GRID2: variants seen among roughly 807,000 people sequenced by gnomAD.
GRID2 encodes glutamate ionotropic receptor delta type subunit 2.
A neutral mutation model predicts 114.8 loss-of-function variants in GRID2; 33 were observed. The observed-to-expected ratio is 0.29, with a 90% CI of 0.22 to 0.38. GRID2 has a LOEUF of 0.38. Ranked by LOEUF, GRID2 falls within the 10% of genes least tolerant of loss-of-function variation. GRID2 has a pLI of 1.00. For missense variants in GRID2, 1,184 were observed against 1,257.7 expected, an observed-to-expected ratio of 0.94 and a Z score of 0.89; for synonymous variants, 505 against 449.9, an observed-to-expected ratio of 1.12 and a Z score of -1.55.
At chr4:92,565,184 T>A (rs1727279230) in intron 1 of GRID2, among the ~76,000 whole-genome samples, 6 of 152,048 alleles carry the variant, frequency 3.9e-5, no homozygotes. Context: ...CATATGAGAA[T>A]TTTGATAATA....
intron 14 of GRID2, among the ~76,000 whole-genome samples, chr4:93,708,464 TG>T: frequency 6.6e-6 from 1 of 152,056 alleles, no homozygotes; most frequent in Non-Finnish European, 1.5e-5. Context: ...AAATTTATTT[TG>T]TCTGATAAAA....
At chr4:93,416,118 C>G (rs1208271813) in intron 9 of GRID2, among the ~76,000 whole-genome samples, 4 of 152,006 alleles carry the variant, frequency 2.6e-5, no homozygotes, top group Non-Finnish European at 5.9e-5. Flanking sequence ...GTTTTCTTTA[C>G]AACACCTGGA....
intron 13 of GRID2, among the ~76,000 whole-genome samples, chr4:93,557,713 G>C (rs772420258): frequency 2.6e-5 from 4 of 152,200 alleles, no homozygotes; most frequent in African/African-American, 4.8e-5. Context: ...TTTAGGACTT[G>C]AAGTCAGTTC....
chr4:93,092,840 A>G lies in GRID2; in HGVS notation c.529+7561A>G, dbSNP rs143324395. On this transcript the variant is annotated intron_variant, in intron 3 of 15. Coordinates refer to ENST00000282020, the MANE Select transcript of GRID2 (RefSeq NM_001510.4). Reference sequence around the variant, plus strand: ...TCATAATGTGTATATATACATATATACATACACACACAAACACACACACAC... The same window carrying G: ...TCATAATGTGTATATATACATATATGCATACACACACAAACACACACACAC... 4.0e-3 allele frequency among the ~76,000 whole-genome samples: 604 copies of G among 152,140 alleles called. 20 individuals are homozygous for G. The East Asian group carries it at 0.062, about 16-fold the overall frequency.
rs534467163 is a variant in GRID2 at position 93,319,252 on chromosome 4, A to G, written c.1246-76355A>G. Among the ~76,000 whole-genome samples the G allele has an allele frequency of 3.9e-5, 6 of 152,244 alleles. No homozygotes were observed. In the South Asian group the frequency reaches 1.2e-3, roughly 32 times the overall value. On this transcript the variant is annotated intron_variant, in intron 8 of 15. Transcript: ENST00000282020. The stretch of plus-strand genomic sequence containing the variant: ...ATTGACCTTAAACACAGAGCCATTC[A>G]ATATGTTGTTTTTCATAAATTAGTG...
intron 4 of GRID2, among the ~76,000 whole-genome samples, chr4:93,111,199 T>G (rs527610105): frequency 6.6e-6 from 1 of 152,154 alleles, no homozygotes; most frequent in African/African-American, 2.4e-5. Flanking sequence ...TTTTAAGAAG[T>G]CTTATAGAAG....
chr4:93,117,655 A>AT (rs1263584079), intron 4 of GRID2, among the ~76,000 whole-genome samples: 3 of 151,976 alleles, frequency 2.0e-5, no homozygotes, highest in Non-Finnish European at 2.9e-5. Context: ...GCCTTTTTCA[A>AT]TTTTTTGTGC....
chr4:92,420,996 GT>G, intron 1 of GRID2, among the ~76,000 whole-genome samples: 1 of 151,938 alleles, frequency 6.6e-6, no homozygotes, highest in African/African-American at 2.4e-5. Context: ...TCACACTGAA[GT>G]TTTTTTTAAT....
At chr4:93,200,565 C>CAA (rs1193157530) in intron 4 of GRID2, among the ~76,000 whole-genome samples, 2 of 102,312 alleles carry the variant, frequency 2.0e-5, no homozygotes, top group African/African-American at 9.6e-5. Flanking sequence ...GACTCCGTCT[C>CAA]AAAACAAACA....
chr4:93,741,159 C>CTATATATATATACATATATATATA (rs1560963214), intron 14 of GRID2, among the ~76,000 whole-genome samples: 2 of 47,186 alleles, frequency 4.2e-5, no homozygotes, highest in Non-Finnish European at 6.9e-5. Context: ...ACCTGAGAAA[C>CTATATATATATACATATATATATA]TATATATATA....
chr4:92,342,312 T>A (rs1397457276), intron 1 of GRID2, among the ~76,000 whole-genome samples: 1 of 152,122 alleles, frequency 6.6e-6, no homozygotes, highest in Non-Finnish European at 1.5e-5. Context: ...TGCATAGAAA[T>A]ATAAAATAAT....
At chr4:92,536,832 G>C (rs1251762087) in intron 1 of GRID2, among the ~76,000 whole-genome samples, 2 of 151,938 alleles carry the variant, frequency 1.3e-5, no homozygotes, top group African/African-American at 4.8e-5. Context: ...GTTAAGATGC[G>C]GTTTTCAAAA....
intron 8 of GRID2, among the ~76,000 whole-genome samples, chr4:93,270,433 C>G (rs1429719714): frequency 6.6e-6 from 1 of 152,042 alleles, no homozygotes; most frequent in African/African-American, 2.4e-5. Flanking sequence ...GTCCTTACAT[C>G]AAGAACATAA....
intron 2 of GRID2, among the ~76,000 whole-genome samples, chr4:92,671,937 T>G (rs62310177): frequency 1.3e-5 from 2 of 152,096 alleles, no homozygotes; most frequent in Non-Finnish European, 2.9e-5. Flanking sequence ...TTCAGGATAC[T>G]CTTACATACT....
At chr4:92,641,618 G>A (rs552949480) in intron 2 of GRID2, among the ~76,000 whole-genome samples, 8 of 151,826 alleles carry the variant, frequency 5.3e-5, no homozygotes, top group Admixed American at 1.3e-4. Context: ...ACATGATGAC[G>A]TAACATAGTT....
At position 93,336,762 on chromosome 4, in the gene GRID2, C is replaced by T. The variant is rs145394860; in HGVS notation, c.1246-58845C>T. On this transcript the variant is annotated intron_variant, in intron 8 of 15. Coordinates refer to ENST00000282020, the MANE Select transcript of GRID2 (RefSeq NM_001510.4). ...GACATCATATTTGTTTTACTTTCCC[C>T]CTGAAATATCAGTGAAGGTTTTGTG... 5.5e-3 allele frequency among the ~76,000 whole-genome samples: 833 copies of T among 152,192 alleles called. 8 individuals carry two copies. The highest frequency in any genetic ancestry group is 0.019 in the African/African-American group (794 of 41,528).
intron 1 of GRID2, among the ~76,000 whole-genome samples, chr4:92,477,282 A>G (rs1318390721): frequency 3.3e-5 from 5 of 152,064 alleles, no homozygotes; most frequent in African/African-American, 9.7e-5. Context: ...TAAGGTCTCA[A>G]TGGTTAACCT....
intron 14 of GRID2, among the ~76,000 whole-genome samples, chr4:93,698,065 T>C (rs2110132041): frequency 6.6e-6 from 1 of 152,000 alleles, no homozygotes; most frequent in Non-Finnish European, 1.5e-5. Flanking sequence ...TAATTATAAC[T>C]CTTGTACATA....
At chr4:92,611,084 GTATA>G (rs757745274) in intron 2 of GRID2, among the ~76,000 whole-genome samples, 1 of 136,034 alleles carries the variant, frequency 7.4e-6, no homozygotes, top group African/African-American at 2.5e-5. Context: ...ATATATGTGT[GTATA>G]TATATGTGTG....
Sources: gnomAD v4.1 joint callset for allele counts (sites outside exome capture counted in the v4.1 genomes callset) on GRCh38, gnomAD v4.1.1 for gene constraint, MANE v1.5 for transcripts, NCBI Gene and HGNC (gene_info 2026-07-23, HGNC 2026-07-21) for gene names.